The following LIMS2 variants were observed in gnomAD, a reference collection of about 807,000 sequenced individuals.
LIMS2 encodes LIM and senescent cell antigen-like-containing domain protein 2.
LIMS2 carries 30 observed loss-of-function variants against 45.3 expected under a neutral mutation model. That is an observed-to-expected ratio of 0.66 (90% CI 0.50 to 0.90). The LOEUF (loss-of-function observed/expected upper bound fraction) is 0.90, where lower values mean the gene tolerates loss of function less well. Ranked by LOEUF, LIMS2 falls within the 40% of genes least tolerant of loss-of-function variation. LIMS2 has a pLI of 0.00. For synonymous variants in LIMS2, 173 were observed against 188.0 expected, an observed-to-expected ratio of 0.92 and a Z score of 0.65; for missense variants, 485 against 468.7, an observed-to-expected ratio of 1.03 and a Z score of -0.32.
chr2:127,679,969 G>A (rs1324933179), upstream of LIMS2, among the ~76,000 whole-genome samples: 2 of 152,208 alleles, frequency 1.3e-5, no homozygotes, highest in Admixed American at 1.3e-4. The surrounding 1 kb of genome is among the most constrained non-coding windows in gnomAD (Gnocchi z 5.3). Flanking sequence ...GTGATGTGAG[G>A]CCACCCAGAC....
intron 4 of LIMS2, chr2:127,651,585 T>C: frequency 6.2e-7 from 1 of 1,613,168 alleles, no homozygotes; most frequent in Non-Finnish European, 8.5e-7. Flanking sequence ...CATCACCTCC[T>C]GCCTCACCAG....
At chr2:127,661,935 C>T (rs564763472) in intron 1 of LIMS2, among the ~76,000 whole-genome samples, 2 of 152,318 alleles carry the variant, frequency 1.3e-5, no homozygotes, top group African/African-American at 4.8e-5. Context: ...TCTGTTTCTT[C>T]AACAACCCCA....
At chr2:127,665,205 A>C (rs934885829) in intron 1 of LIMS2, among the ~76,000 whole-genome samples, 5 of 152,294 alleles carry the variant, frequency 3.3e-5, no homozygotes, top group African/African-American at 1.2e-4. Flanking sequence ...GATCCAGAGC[A>C]CTCATGGAAA....
intron 9 of LIMS2, among the ~76,000 whole-genome samples, chr2:127,639,862 C>T (rs1227979755): frequency 6.6e-6 from 1 of 151,968 alleles, no homozygotes; most frequent in East Asian, 1.9e-4. Context: ...CTCCTCCTCT[C>T]ACTGTGCCTG....
At chr2:127,640,639 G>A (rs530947495) in intron 7 of LIMS2, 11 of 597,432 alleles carry the variant, frequency 1.8e-5, no homozygotes, top group Admixed American at 8.9e-5. Context: ...GGGAGGGAGG[G>A]GGTTGCTGGC....
upstream of LIMS2, among the ~76,000 whole-genome samples, chr2:127,678,539 CT>C (rs1685549591): frequency 6.6e-6 from 1 of 152,146 alleles, no homozygotes; most frequent in Admixed American, 6.5e-5. This position sits in a 1 kb window ranked among gnomAD's most constrained non-coding sequence, Gnocchi z 5.3. Flanking sequence ...GGACTGGTGC[CT>C]TGGGCCGTGC....
chr2:127,665,485 A>G (rs1684952273), intron 1 of LIMS2, among the ~76,000 whole-genome samples: 1 of 152,216 alleles, frequency 6.6e-6, no homozygotes, highest in Admixed American at 6.5e-5. Flanking sequence ...TCAAGTGACG[A>G]CAAGCATTGG....
At position 127,652,064 on chromosome 2, in the gene LIMS2, G is replaced by A. The variant is rs541956607; in HGVS notation, c.359+2360C>T. The A allele has an allele frequency of 1.2e-4, 45 of 376,648 alleles. No individual in the cohort carries two copies. The East Asian group carries it at 1.5e-3, about 13-fold the overall frequency. The allele number at this position is 376,648 out of a possible 1,614,324, so 23.3% of individuals were successfully genotyped here. On this transcript the variant is annotated intron_variant, in intron 4 of 9. Transcript: ENST00000355119. ...TGAACAATGGAGGCCTTTCTTTCCCGCTAGGCTCCCAGCCTCCTTCCCGCT... is the reference window on the plus strand; with the variant it reads ...TGAACAATGGAGGCCTTTCTTTCCCACTAGGCTCCCAGCCTCCTTCCCGCT...
At chr2:127,661,293 C>T (rs1224942104) in intron 1 of LIMS2, among the ~76,000 whole-genome samples, 2 of 152,204 alleles carry the variant, frequency 1.3e-5, no homozygotes, top group Non-Finnish European at 2.9e-5. Context: ...ACAGCCACAT[C>T]GAGGAGCCAA....
Position 127,640,089 on chromosome 2 carries a change from T to TG in LIMS2, c.858dup (p.Asn287GlnfsTer20). The TG allele has an allele frequency of 6.2e-7, 1 of 1,613,524 alleles. No individual in the cohort carries two copies. The highest frequency in any genetic ancestry group is 8.5e-7 in the Non-Finnish European group (1 of 1,179,998). On this transcript the variant is annotated frameshift_variant, in exon 9 of 10. Transcript: ENST00000355119. LOFTEE classifies it high-confidence loss of function. The stretch of plus-strand genomic sequence containing the variant: ...ACTCACTTCAGGGTGAGCTTGCTGT[T>TG]GCAGGTGGAGCAGGAGAAGCAGCTC...
intron 1 of LIMS2, 143 bp from the exon 2 acceptor site, chr2:127,657,705 G>A: frequency 1.1e-6 from 1 of 930,648 alleles, no homozygotes; most frequent in Non-Finnish European, 1.6e-6. Context: ...TCTAACCCAG[G>A]GTCCAGGCTG....
rs1309616329 is a variant in LIMS2 at position 127,647,812 on chromosome 2, G to A, written c.360-4740C>T. On this transcript the variant is annotated intron_variant, in intron 4 of 9. Coordinates refer to ENST00000355119, the MANE Select transcript of LIMS2 (RefSeq NM_001161403.3). This position sits in a 1 kb window ranked among gnomAD's most constrained non-coding sequence, Gnocchi z 4.3. ...GGAGCCCTGTTCCTCCAGTCTCCGGGTCCTCACCCCCAGCACATGCAACAC... is the reference window on the plus strand; with the variant it reads ...GGAGCCCTGTTCCTCCAGTCTCCGGATCCTCACCCCCAGCACATGCAACAC... Among the ~76,000 whole-genome samples the A allele has an allele frequency of 2.6e-5, 4 of 151,904 alleles. No homozygotes were observed. Among genetic ancestry groups the A allele is most frequent in the African/African-American group, 7.3e-5 (3 of 41,330 alleles).
At chr2:127,676,472 TGCA>T (rs1685504421), upstream of LIMS2, among the ~76,000 whole-genome samples, 1 of 141,748 alleles carries the variant, frequency 7.1e-6, no homozygotes, top group Admixed American at 7.6e-5. Flanking sequence ...AGTGCAATGG[TGCA>T]ATCTCCGCTC....
intron 1 of LIMS2, among the ~76,000 whole-genome samples, chr2:127,660,444 T>A (rs1289041158): frequency 2.0e-5 from 3 of 152,170 alleles, no homozygotes; most frequent in Non-Finnish European, 4.4e-5. Flanking sequence ...GTCTGCAGTT[T>A]CAATCCTGAA....
chr2:127,662,840 A>G (rs1023075111), intron 1 of LIMS2, among the ~76,000 whole-genome samples: 1 of 152,244 alleles, frequency 6.6e-6, no homozygotes, highest in African/African-American at 2.4e-5. Context: ...CTGGGCTGCT[A>G]TACACAAGAT....
chr2:127,673,823 A>AG, intron 1 of LIMS2: 1 of 1,321,678 alleles, frequency 7.6e-7, no homozygotes, highest in Non-Finnish European at 1.1e-6. Context: ...CTAGAACCCT[A>AG]GGGGGTGACC....
rs143697490 is a variant in LIMS2 at position 127,651,084 on chromosome 2, G to A, written c.359+3340C>T. The A allele has an allele frequency of 2.0e-5, 33 of 1,613,456 alleles. No individual in the cohort carries two copies. Among genetic ancestry groups the A allele is most frequent in the African/African-American group, 2.7e-5 (2 of 74,932 alleles). ...CTTCCTCTTCTACCTCAACATGTAC[G>A]CCAGCATCTACTTCCTCACCTGCAT... On this transcript the variant is annotated intron_variant, in intron 4 of 9. Coordinates refer to ENST00000355119, the MANE Select transcript of LIMS2 (RefSeq NM_001161403.3).
intron 1 of LIMS2, among the ~76,000 whole-genome samples, chr2:127,665,631 G>C (rs921203278): frequency 5.3e-5 from 8 of 152,210 alleles, no homozygotes; most frequent in African/African-American, 1.9e-4. Flanking sequence ...AAATGAATAG[G>C]GAATACCGCT....
Position 127,664,443 on chromosome 2 carries a change from A to G in LIMS2, c.12-6881T>C. 2 of 1,186,818 alleles carry G rather than the reference A, an allele frequency of 1.7e-6. No homozygotes were observed. The highest frequency in any genetic ancestry group is 2.1e-6 in the Non-Finnish European group (2 of 959,174). 73.5% of individuals were successfully genotyped at this position (1,186,818 alleles called of 1,614,324 possible). A position where few individuals can be genotyped will look rare whatever the true frequency, so the allele number is the denominator to read the frequency against. ...GCGCGGGCCGCCTGGTGCAGGGGCT[A>G]TGGGACCACCTCGGAGGGGAGGCGC... On this transcript the variant is annotated intron_variant, in intron 1 of 9. Coordinates refer to ENST00000355119, the MANE Select transcript of LIMS2 (RefSeq NM_001161403.3). The surrounding 1 kb of genome is among the most constrained non-coding windows in gnomAD (Gnocchi z 5.5).
Sources: gnomAD v4.1 joint callset for allele counts (sites outside exome capture counted in the v4.1 genomes callset) on GRCh38, gnomAD v4.1.1 for gene constraint, Gnocchi (gnomAD v3.1) non-coding constraint, MANE v1.5 for transcripts, NCBI Gene and HGNC (gene_info 2026-07-23, HGNC 2026-07-21) for gene names.